Variants in MAP3K7 observed in about 807,000 individuals in gnomAD.
The protein encoded by MAP3K7 is mitogen-activated protein kinase kinase kinase 7, also known as TGF-beta activated kinase 1.
A neutral mutation model predicts 84.8 loss-of-function variants in MAP3K7; 21 were observed. The ratio of observed to expected loss-of-function variants is 0.25; its 90% confidence interval spans 0.18 to 0.36. The LOEUF (loss-of-function observed/expected upper bound fraction) is 0.36, where lower values mean the gene tolerates loss of function less well. MAP3K7 is among the 10% of genes least tolerant of loss of function. The pLI, the probability that MAP3K7 is intolerant of heterozygous loss-of-function variation, is 1.00. For synonymous variants in MAP3K7, 241 were observed against 247.7 expected, an observed-to-expected ratio of 0.97 and a Z score of 0.25; for missense variants, 503 against 747.7, an observed-to-expected ratio of 0.67 and a Z score of 3.82.
intron 5 of MAP3K7, among the ~76,000 whole-genome samples, chr6:90,558,900 C>T (rs1307970337): frequency 6.6e-6 from 1 of 152,126 alleles, no homozygotes; most frequent in East Asian, 1.9e-4. Context: ...GAAAAGAATG[C>T]TTTGGCTGTA....
At position 90,571,716 on chromosome 6, in the gene MAP3K7, C is replaced by T; in HGVS notation, c.212G>A (p.Arg71Lys). 6.3e-7 allele frequency: 1 copy of T among 1,592,596 alleles called. No homozygotes were observed. The highest frequency in any genetic ancestry group is 2.3e-5 in the East Asian group (1 of 43,624). Residue 71 changes from arginine to lysine, a missense_variant, in exon 2 of 17, where the codon AGG becomes AAG. Arg to Lys is a conservative substitution (Grantham distance 26). This residue lies in a region of MAP3K7 where 97 missense variants were observed against 270.8 expected (regional missense o/e 0.36). Coordinates refer to ENST00000369329, the MANE Select transcript of MAP3K7 (RefSeq NM_145331.3). The part of the protein sequence containing the change: ...AIKQIESESE[R>K]KAFIVELRQL... ...ACTTACCTCTACAATAAACGCTTTC[C>T]TCTCAGATTCACTTTCTATTTGTTT...
intron 13 of MAP3K7, among the ~76,000 whole-genome samples, chr6:90,530,717 A>G (rs75138192): frequency 0.022 from 3,306 of 152,336 alleles, 129 homozygotes; most frequent in African/African-American, 0.076. Flanking sequence ...ATATTTAAAA[A>G]CAAGGCATAA....
At chr6:90,571,882 A>G in intron 1 of MAP3K7, 75 bp from the exon 2 acceptor site, 1 of 679,724 alleles carries the variant, frequency 1.5e-6, no homozygotes, top group South Asian at 2.6e-5. Flanking sequence ...AGCCCAATAT[A>G]AAAAACTAAA....
In MAP3K7 at chr6:90,515,525, G is replaced by T. The variant is rs912528376; in HGVS notation, c.*976C>A. 6.7e-6 allele frequency: 1 copy of T among 149,838 alleles called. No individual in the cohort carries two copies. The highest frequency in any genetic ancestry group is 1.5e-5 in the Non-Finnish European group (1 of 67,376). The allele number at this position is 149,838 out of a possible 1,614,324, so 9.3% of individuals were successfully genotyped here. A position where few individuals can be genotyped will look rare whatever the true frequency, so the allele number is the denominator to read the frequency against. ...TGCTTCTTTAACTTCCTTCTGATTT[G>T]CCTGGTTTATTTCTCATTTGGTATC... On this transcript the variant is annotated 3_prime_UTR_variant, in exon 17 of 17. Transcript: ENST00000369329.
intron 4 of MAP3K7, among the ~76,000 whole-genome samples, chr6:90,560,961 AGT>A: frequency 6.6e-6 from 1 of 152,242 alleles, no homozygotes; most frequent in Non-Finnish European, 1.5e-5. Flanking sequence ...AACCAGAAGT[AGT>A]TCAATCAAAT....
rs190702618 is a variant in MAP3K7, at chr6:90,544,498, G to A, written c.1291+54C>T. ...GCAAGAAGCATTTTACAAGTACCAGGGATCATTATTCCGGTTCCACAGCTA... is the reference window on the plus strand; with the variant it reads ...GCAAGAAGCATTTTACAAGTACCAGAGATCATTATTCCGGTTCCACAGCTA... On this transcript the variant is annotated intron_variant, in intron 12 of 16. Transcript: ENST00000369329. The A allele has an allele frequency of 4.4e-5, 64 of 1,470,974 alleles. No homozygotes were observed. In the East Asian group the frequency reaches 1.4e-3, roughly 31 times the overall value. The allele number at this position is 1,470,974 out of a possible 1,614,324, so 91.1% of individuals were successfully genotyped here.
intron 1 of MAP3K7, among the ~76,000 whole-genome samples, chr6:90,572,271 G>A (rs1001334722): frequency 5.9e-5 from 9 of 152,034 alleles, no homozygotes; most frequent in Admixed American, 2.0e-4. Flanking sequence ...GAGGAGAAAC[G>A]ATATAAATAT....
At chr6:90,575,587 C>A (rs143900743) in intron 1 of MAP3K7, among the ~76,000 whole-genome samples, 60 of 152,234 alleles carry the variant, frequency 3.9e-4, no homozygotes, top group African/African-American at 6.7e-4. Context: ...AGCAAGCTAA[C>A]TGAGAAGTAA....
rs568218865 is a variant in MAP3K7 at position 90,552,400 on chromosome 6, A to AAAGC, written c.737-225_737-222dup. Reference sequence around the variant, plus strand: ...TCAATTATTTACTGACAACTGATAGAAAGCAAGCAAGCAAGCTGTCCTGGT... The same window carrying AAAGC: ...TCAATTATTTACTGACAACTGATAGAAAGCAAGCAAGCAAGCAAGCTGTCCTGGT... On this transcript the variant is annotated intron_variant, in intron 7 of 16. Transcript: ENST00000369329. Among the ~76,000 whole-genome samples, 462 of 152,298 alleles carry AAAGC rather than the reference A, an allele frequency of 3.0e-3. 1 individual carries two copies. Among genetic ancestry groups the AAAGC allele is most frequent in the African/African-American group, 0.01 (434 of 41,554 alleles).
intron 4 of MAP3K7, among the ~76,000 whole-genome samples, chr6:90,560,959 G>GAC: frequency 6.6e-6 from 1 of 152,116 alleles, no homozygotes; most frequent in Non-Finnish European, 1.5e-5. Flanking sequence ...AAAACCAGAA[G>GAC]TAGTTCAATC....
chr6:90,573,235 T>C (rs1000848268), intron 1 of MAP3K7, among the ~76,000 whole-genome samples: 4 of 152,212 alleles, frequency 2.6e-5, no homozygotes, highest in African/African-American at 9.6e-5. Flanking sequence ...ATTTGTAACA[T>C]ATATAAAGCC....
intron 14 of MAP3K7, among the ~76,000 whole-genome samples, chr6:90,522,388 C>G (rs1766853068): frequency 6.6e-6 from 1 of 152,052 alleles, no homozygotes; most frequent in Admixed American, 6.6e-5. Flanking sequence ...GAAGGCTCTG[C>G]TGAGTTGAGT....
At chr6:90,529,819 G>A (rs1775445306) in intron 13 of MAP3K7, among the ~76,000 whole-genome samples, 2 of 152,058 alleles carry the variant, frequency 1.3e-5, no homozygotes, top group African/African-American at 4.8e-5. Context: ...GAGACCATGC[G>A]TACTTTTTAT....
chr6:90,520,830 C>T (rs1236989177), intron 14 of MAP3K7, among the ~76,000 whole-genome samples: 1 of 152,006 alleles, frequency 6.6e-6, no homozygotes, highest in Non-Finnish European at 1.5e-5. Flanking sequence ...ATAAACACTG[C>T]TTTCCACAAA....
At chr6:90,519,844 C>A (rs1441377687) in intron 14 of MAP3K7, among the ~76,000 whole-genome samples, 1 of 151,922 alleles carries the variant, frequency 6.6e-6, no homozygotes, top group African/African-American at 2.4e-5. Context: ...TCCTGCCCTT[C>A]CCAGTAAGAA....
intron 3 of MAP3K7, among the ~76,000 whole-genome samples, chr6:90,565,866 C>T (rs1481295139): frequency 1.3e-5 from 2 of 152,140 alleles, no homozygotes; most frequent in Admixed American, 6.5e-5. Context: ...TTATCCACCA[C>T]GATCAAGTTG....
chr6:90,550,485 T>A lies in MAP3K7; in HGVS notation c.932A>T (p.Asn311Ile). 1 of 1,610,150 alleles carries A rather than the reference T, an allele frequency of 6.2e-7. No individual in the cohort carries two copies. Among genetic ancestry groups the A allele is most frequent in the Non-Finnish European group, 8.5e-7 (1 of 1,177,088 alleles). Residue 311 changes from asparagine (N) to isoleucine (I), a missense_variant, in exon 9 of 17, where the codon AAC becomes ATC. Asn to Ile is a moderately radical substitution (Grantham distance 149). Transcript: ENST00000369329. ...PCQYSDEGQS[N>I]SATSTGSFMD... ...CCATTTACCTGTACTGGTGGCAGAG[T>A]TGCTCTGTCCTTCATCTGAATACTG...
At chr6:90,579,073 G>T (rs1013762772) in intron 1 of MAP3K7, among the ~76,000 whole-genome samples, 1 of 152,136 alleles carries the variant, frequency 6.6e-6, no homozygotes, top group Non-Finnish European at 1.5e-5. Flanking sequence ...CAGCTTTCAG[G>T]TATGTTTCAT....
At chr6:90,567,394 G>A (rs530873030) in intron 3 of MAP3K7, among the ~76,000 whole-genome samples, 2 of 152,270 alleles carry the variant, frequency 1.3e-5, no homozygotes, top group Non-Finnish European at 2.9e-5. Context: ...CCATCAAAAA[G>A]TGGGCAAAGG....
Sources: gnomAD v4.1 joint callset for allele counts (sites outside exome capture counted in the v4.1 genomes callset) on GRCh38, gnomAD v4.1.1 for gene constraint, gnomAD v4.1.1 regional missense constraint, MANE v1.5 for transcripts, NCBI Gene and HGNC (gene_info 2026-07-23, HGNC 2026-07-21) for gene names.